UNC13C: variants seen among roughly 807,000 people sequenced by gnomAD.
UNC13C encodes the protein unc-13 homolog C, also known as protein unc-13 homolog C.
UNC13C carries 174 observed loss-of-function variants against 245.4 expected under a neutral mutation model. That is an observed-to-expected ratio of 0.71 (90% confidence interval 0.63 to 0.80). UNC13C has a LOEUF of 0.80. Among genes scored for constraint, UNC13C ranks in the 30% least tolerant of loss-of-function variants. The pLI, the probability that UNC13C is intolerant of heterozygous loss-of-function variation, is 0.00. For synonymous variants in UNC13C, 992 were observed against 895.1 expected (o/e 1.11, Z -1.93); for missense variants, 2,829 against 2,602.9 (o/e 1.09, Z -1.89).
intron 13 of UNC13C, chr15:54,321,302 T>C: frequency 2.1e-6 from 1 of 472,604 alleles, no homozygotes; most frequent in South Asian, 1.6e-5. Flanking sequence ...CCCTGTACTG[T>C]TCAAAATAAT....
chr15:53,928,838 G>A, the UNC13C span, among the ~76,000 whole-genome samples: 1 of 152,256 alleles, frequency 6.6e-6, no homozygotes. Flanking sequence ...TATGTCAGTG[G>A]AATAACCAAC....
At chr15:54,259,486 A>G (rs1174534759) in intron 8 of UNC13C, among the ~76,000 whole-genome samples, 1 of 152,234 alleles carries the variant, frequency 6.6e-6, no homozygotes, top group Admixed American at 6.5e-5. Context: ...TTCCCCTTAT[A>G]AAACCATCAG....
chr15:54,095,676 A>G (rs1219265101), intron 2 of UNC13C, among the ~76,000 whole-genome samples: 1 of 152,200 alleles, frequency 6.6e-6, no homozygotes, highest in Non-Finnish European at 1.5e-5. Flanking sequence ...ATTCACAGTC[A>G]CTTTTGAGAA....
intron 13 of UNC13C, chr15:54,321,521 T>C (rs2038158389): frequency 2.6e-5 from 12 of 466,880 alleles, no homozygotes; most frequent in Non-Finnish European, 4.2e-5. Flanking sequence ...GCCCCTGGAG[T>C]GCTGGGTATT....
chr15:54,475,722 G>T (rs955177822), intron 19 of UNC13C, among the ~76,000 whole-genome samples: 3 of 136,860 alleles, frequency 2.2e-5, no homozygotes, highest in African/African-American at 8.0e-5. Flanking sequence ...GGACATCTGG[G>T]TTGGTTCCAA....
chr15:54,230,549 A>G (rs558312659), intron 4 of UNC13C, among the ~76,000 whole-genome samples: 4 of 152,188 alleles, frequency 2.6e-5, no homozygotes, highest in African/African-American at 7.2e-5. Flanking sequence ...TACAGAACAT[A>G]TGTAATTTGT....
At chr15:54,097,293 C>T (rs1423552021) in intron 2 of UNC13C, among the ~76,000 whole-genome samples, 1 of 152,154 alleles carries the variant, frequency 6.6e-6, no homozygotes, top group African/African-American at 2.4e-5. Context: ...TATTTTACCA[C>T]ATGTACTATT....
At chr15:54,223,427 C>G (rs987450821) in intron 4 of UNC13C, among the ~76,000 whole-genome samples, 2 of 151,924 alleles carry the variant, frequency 1.3e-5, no homozygotes, top group African/African-American at 4.8e-5. Context: ...TTTCTGGGTT[C>G]TCTATTCTGT....
chr15:54,497,342 G>T (rs956984441), intron 20 of UNC13C, among the ~76,000 whole-genome samples: 1 of 152,018 alleles, frequency 6.6e-6, no homozygotes, highest in Non-Finnish European at 1.5e-5. Flanking sequence ...TTTGCAATAC[G>T]GGGCTTGCAG....
intron 7 of UNC13C, among the ~76,000 whole-genome samples, chr15:54,241,337 G>A (rs73411932): frequency 2.6e-5 from 4 of 151,872 alleles, no homozygotes; most frequent in Non-Finnish European, 2.9e-5. Context: ...AGATCAAACC[G>A]GAGCCCTATT....
the UNC13C span, among the ~76,000 whole-genome samples, chr15:53,865,225 C>T: frequency 6.6e-6 from 1 of 152,180 alleles, no homozygotes; most frequent in Non-Finnish European, 1.5e-5. Flanking sequence ...CATTTGGCCT[C>T]AGTCATAAAG....
intron 19 of UNC13C, among the ~76,000 whole-genome samples, chr15:54,423,523 A>T (rs1002093454): frequency 5.9e-5 from 9 of 151,884 alleles, no homozygotes; most frequent in Non-Finnish European, 1.2e-4. Flanking sequence ...AAAAAATGTT[A>T]TATTTATGCA....
At chr15:54,019,479 A>G (rs182590297) in intron 2 of UNC13C, among the ~76,000 whole-genome samples, 25 of 152,324 alleles carry the variant, frequency 1.6e-4, no homozygotes, top group African/African-American at 4.8e-4. Flanking sequence ...TTATAAATCA[A>G]GATTTGTAGA....
the UNC13C span, among the ~76,000 whole-genome samples, chr15:53,935,846 G>A: frequency 0.11 from 16,162 of 152,136 alleles, 1,215 homozygotes; most frequent in East Asian, 0.33. Context: ...CCATGCCACC[G>A]GGGTTTTGGG....
the UNC13C span, among the ~76,000 whole-genome samples, chr15:53,957,266 T>C: frequency 6.6e-6 from 1 of 152,048 alleles, no homozygotes. Flanking sequence ...CTCAGCCTCT[T>C]GAGTAGCTAG....
At chr15:54,495,825 A>G (rs535011514) in intron 20 of UNC13C, among the ~76,000 whole-genome samples, 6 of 152,118 alleles carry the variant, frequency 3.9e-5, no homozygotes, top group African/African-American at 1.4e-4. Context: ...AGTGATTTAG[A>G]GATGAAATTA....
At chr15:54,411,780 C>A (rs2040421142) in intron 18 of UNC13C, among the ~76,000 whole-genome samples, 1 of 151,958 alleles carries the variant, frequency 6.6e-6, no homozygotes, top group Admixed American at 6.6e-5. Flanking sequence ...TCTTCTAGTG[C>A]TTTTACTTTG....
intron 4 of UNC13C, among the ~76,000 whole-genome samples, chr15:54,232,632 C>T (rs1432431315): frequency 6.6e-6 from 1 of 152,116 alleles, no homozygotes; most frequent in African/African-American, 2.4e-5. Flanking sequence ...ATCAGTTTCT[C>T]AACCATCATC....
At chr15:54,528,576 T>C (rs749247257) in intron 25 of UNC13C, among the ~76,000 whole-genome samples, 16 of 152,062 alleles carry the variant, frequency 1.1e-4, no homozygotes, top group Non-Finnish European at 1.8e-4. Flanking sequence ...AATAGGAGCA[T>C]AAATAAATTT....
Sources: allele counts gnomAD v4.1 joint callset (sites outside exome capture counted in the v4.1 genomes callset), GRCh38; gene constraint gnomAD v4.1.1; transcripts MANE v1.5; gene names NCBI Gene and HGNC (gene_info 2026-07-23, HGNC 2026-07-21).